Variants in GOPC observed in about 807,000 individuals in gnomAD.
The protein encoded by GOPC is Golgi-associated PDZ and coiled-coil motif-containing protein.
In GOPC, 32 loss-of-function variants were observed where a neutral mutation model predicts 51.2. The ratio of observed to expected loss-of-function variants is 0.63; its 90% CI spans 0.47 to 0.84. The LOEUF (loss-of-function observed/expected upper bound fraction) is 0.84. Ranked by LOEUF, GOPC falls within the 40% of genes least tolerant of loss-of-function variation. The pLI is 0.00. For missense variants in GOPC, 441 were observed against 555.5 expected (o/e 0.79, Z 2.07); for synonymous variants, 190 against 205.1 (o/e 0.93, Z 0.63).
intron 5 of GOPC, 22 bp from the exon 6 acceptor site, chr6:117,570,977 G>A (rs759479243): frequency 8.0e-7 from 1 of 1,252,528 alleles, no homozygotes; most frequent in East Asian, 2.3e-5. Context: ...GAAAAAAGAA[G>A]AAAAAGTAGT....
At chr6:117,566,504 AATTTG>A (rs1296836096) in intron 8 of GOPC, among the ~76,000 whole-genome samples, 1 of 152,194 alleles carries the variant, frequency 6.6e-6, no homozygotes, top group Non-Finnish European at 1.5e-5. Flanking sequence ...GTGAGAGATG[AATTTG>A]CATCAAGACA....
chr6:117,602,393 C>A lies in GOPC; in HGVS notation c.-105G>T. 1 of 1,099,572 alleles carries A rather than the reference C, an allele frequency of 9.1e-7. No homozygotes were observed. The highest frequency in any genetic ancestry group is 1.6e-5 in the South Asian group (1 of 61,002). The allele number at this position is 1,099,572 out of a possible 1,614,324, so 68.1% of individuals were successfully genotyped here. On this transcript the variant is annotated 5_prime_UTR_variant, in exon 1 of 9. Transcript: ENST00000368498. ...GACCCCCGCGCGCGCGGGCACACTC[C>A]GTCACCTCCCTTCACCTCGCGCCGT...
At chr6:117,574,971 C>G (rs1017641931) in intron 4 of GOPC, among the ~76,000 whole-genome samples, 1 of 152,042 alleles carries the variant, frequency 6.6e-6, no homozygotes, top group African/African-American at 2.4e-5. Flanking sequence ...CCCAGCTACT[C>G]AGGAGGCTGA....
At chr6:117,567,110 G>C (rs752110511) in intron 7 of GOPC, 76 bp from the exon 8 acceptor site, 250 of 1,043,542 alleles carry the variant, frequency 2.4e-4, no homozygotes, top group Non-Finnish European at 3.2e-4. Context: ...ATTCTTTGTG[G>C]GAAGGCTTAG....
At chr6:117,584,737 T>C (rs1005952681) in intron 1 of GOPC, among the ~76,000 whole-genome samples, 3 of 151,484 alleles carry the variant, frequency 2.0e-5, no homozygotes, top group African/African-American at 7.3e-5. Context: ...TTCCCAATGT[T>C]AGAGATGGGG....
At chr6:117,592,374 A>T (rs1780131670) in intron 1 of GOPC, among the ~76,000 whole-genome samples, 1 of 152,178 alleles carries the variant, frequency 6.6e-6, no homozygotes, top group Non-Finnish European at 1.5e-5. Context: ...CAAAAAAAAA[A>T]AATTACCACA....
rs1290976900 is a variant in GOPC, at chr6:117,570,952, G to A, written c.820C>T (p.Gln274Ter). 6.4e-7 allele frequency: 1 copy of A among 1,556,944 alleles called. No homozygotes were observed. The highest frequency in any genetic ancestry group is 8.8e-7 in the Non-Finnish European group (1 of 1,133,570). Residue 274 changes from glutamine to a stop codon, truncating the protein, a stop_gained, in exon 6 of 9, where the codon CAA (glutamine) becomes TAA (stop). Transcript: ENST00000368498. LOFTEE classifies it high-confidence loss of function. Reference sequence around the variant, plus strand: ...CCTTGGCTTTTCTTTAGGGAATCTTGATCCTTATTGGGAGGAAAAAAGAAG... The same window carrying A: ...CCTTGGCTTTTCTTTAGGGAATCTTAATCCTTATTGGGAGGAAAAAAGAAG... The part of the protein sequence containing the change: ...RPMQAPPGHD[Q>*]DSLKKSQGVG...
chr6:117,590,571 C>CAAAAAAAAAA (rs563071906), intron 1 of GOPC, among the ~76,000 whole-genome samples: 2 of 69,502 alleles, frequency 2.9e-5, no homozygotes, highest in African/African-American at 5.2e-5. Context: ...GACCCTGTCT[C>CAAAAAAAAAA]AAAAAAAAAA....
At chr6:117,576,150 A>G (rs1025872030) in intron 3 of GOPC, among the ~76,000 whole-genome samples, 1 of 152,112 alleles carries the variant, frequency 6.6e-6, no homozygotes, top group Non-Finnish European at 1.5e-5. Context: ...ATAATCCTAA[A>G]AAAAATATAT....
chr6:117,594,364 T>A (rs1583064836), intron 1 of GOPC, among the ~76,000 whole-genome samples: 1 of 152,344 alleles, frequency 6.6e-6, no homozygotes, highest in East Asian at 1.9e-4. Flanking sequence ...CTTAGCTCAA[T>A]AACTTCCTCA....
chr6:117,582,006 A>T (rs1380975891), intron 1 of GOPC, among the ~76,000 whole-genome samples: 1 of 152,126 alleles, frequency 6.6e-6, no homozygotes, highest in Non-Finnish European at 1.5e-5. Context: ...CCTTGCCTTC[A>T]CTTGGCATTG....
chr6:117,571,283 T>C (rs1441511673), intron 5 of GOPC, among the ~76,000 whole-genome samples: 1 of 152,178 alleles, frequency 6.6e-6, no homozygotes, highest in Non-Finnish European at 1.5e-5. Flanking sequence ...AAAGTGTCTA[T>C]CTTCACTGGA....
At chr6:117,574,629 A>C (rs1412442424) in intron 4 of GOPC, among the ~76,000 whole-genome samples, 1 of 152,228 alleles carries the variant, frequency 6.6e-6, no homozygotes, top group East Asian at 1.9e-4. Flanking sequence ...ATTTCACAGT[A>C]AGATACTATC....
intron 1 of GOPC, among the ~76,000 whole-genome samples, chr6:117,594,825 ATTG>A (rs1006920593): frequency 3.9e-5 from 6 of 152,178 alleles, no homozygotes; most frequent in Non-Finnish European, 8.8e-5. Context: ...AAGAAGGTGT[ATTG>A]TTGTGCTGTT....
intron 3 of GOPC, among the ~76,000 whole-genome samples, chr6:117,575,814 A>C (rs754145749): frequency 6.6e-6 from 1 of 152,186 alleles, no homozygotes; most frequent in Non-Finnish European, 1.5e-5. Context: ...ACATGGTTAC[A>C]TTTGTTCACA....
At chr6:117,595,913 C>G (rs1303877504) in intron 1 of GOPC, among the ~76,000 whole-genome samples, 1 of 152,078 alleles carries the variant, frequency 6.6e-6, no homozygotes, top group Non-Finnish European at 1.5e-5. Context: ...TGGGTAAATA[C>G]CCAGGAGTGG....
chr6:117,573,316 A>G, intron 5 of GOPC, 151 bp downstream of exon 5: 1 of 876,330 alleles, frequency 1.1e-6, no homozygotes, highest in Non-Finnish European at 1.7e-6. Flanking sequence ...ATGGGTGTTG[A>G]AACTTCATCT....
At position 117,570,887 on chromosome 6, in the gene GOPC, A is replaced by G; in HGVS notation, c.885T>C (p.Asp295=). 1 of 1,590,134 alleles carries G rather than the reference A, an allele frequency of 6.3e-7. No individual in the cohort carries two copies. The highest frequency in any genetic ancestry group is 1.1e-5 in the South Asian group (1 of 88,244). ...PIRKVLLLKE[D]HEGLGISITG... is the part of the protein sequence containing the mutation. ...TAATTGAAATGCCAAGGCCTTCATG[A>G]TCTTCCTTAAGGAGGAGAACTTTTC... Residue 295 remains aspartate (D), a synonymous_variant, in exon 6 of 9, where the codon GAT becomes GAC. Coordinates refer to ENST00000368498, the MANE Select transcript of GOPC (RefSeq NM_020399.4).
At position 117,561,735 on chromosome 6, in the gene GOPC, C is replaced by T. The variant is rs1444264190; in HGVS notation, c.*1519G>A. On this transcript the variant is annotated 3_prime_UTR_variant, in exon 9 of 9. Coordinates refer to ENST00000368498, the MANE Select transcript of GOPC (RefSeq NM_020399.4). ...GTAACAATATACACTACGAAGTGCA[C>T]TTCCATTACAAATTAACATGGTGAT... 4.8e-6 allele frequency: 1 copy of T among 206,644 alleles called. No individual in the cohort carries two copies. The highest frequency in any genetic ancestry group is 2.3e-5 in the African/African-American group (1 of 43,906). 12.8% of individuals were successfully genotyped at this position (206,644 alleles called of 1,614,324 possible). A position where few individuals can be genotyped will look rare whatever the true frequency, so the allele number is the denominator to read the frequency against.
Sources: allele counts gnomAD v4.1 joint callset (sites outside exome capture counted in the v4.1 genomes callset), GRCh38; gene constraint gnomAD v4.1.1; transcripts MANE v1.5; gene names NCBI Gene and HGNC (gene_info 2026-07-23, HGNC 2026-07-21).